Variants in NRXN1 observed in about 807,000 individuals in gnomAD.
The protein encoded by NRXN1 is neurexin-1.
NRXN1 carries 39 observed loss-of-function variants against 150.9 expected under a neutral mutation model. That is an observed-to-expected ratio of 0.26 (90% CI 0.20 to 0.34). The LOEUF is 0.34. Ranked by LOEUF, NRXN1 falls within the 10% of genes least tolerant of loss-of-function variation. The probability of loss-of-function intolerance (pLI) is 1.00; values close to 1 mark genes in which losing one functional copy is unlikely to be tolerated. For synonymous variants in NRXN1, 924 were observed against 757.0 expected (o/e 1.22, Z -3.62); for missense variants, 1,815 against 1,949.9 (o/e 0.93, Z 1.30).
chr2:50,649,247 C>A (rs1475574077), intron 5 of NRXN1, among the ~76,000 whole-genome samples: 1 of 98,054 alleles, frequency 1.0e-5, no homozygotes, highest in Non-Finnish European at 2.0e-5. Flanking sequence ...CATGTATACA[C>A]ACATACACAC....
chr2:50,887,946 T>TTTAGA (rs1680499747), intron 5 of NRXN1, among the ~76,000 whole-genome samples: 3 of 146,428 alleles, frequency 2.0e-5, no homozygotes, highest in Non-Finnish European at 4.5e-5. Context: ...AATAAAACAA[T>TTTAGA]AAGGTACCTT....
At position 50,996,899 on chromosome 2, in the gene NRXN1, C is replaced by T. The variant is rs186487533; in HGVS notation, c.772+30603G>A. 4.2e-4 allele frequency among the ~76,000 whole-genome samples: 64 copies of T among 152,164 alleles called. 1 individual carries two copies. Among genetic ancestry groups the T allele is most frequent in the African/African-American group, 1.5e-3 (62 of 41,544 alleles). On this transcript the variant is annotated intron_variant, in intron 2 of 22. Transcript: ENST00000401669. The stretch of plus-strand genomic sequence containing the variant: ...ATCAAACTCGTGAGGGGGGAGTAAT[C>T]ATTCCACAGCCCACATGAGTGGGCT...
intron 17 of NRXN1, among the ~76,000 whole-genome samples, chr2:50,389,808 C>T (rs1287088112): frequency 6.6e-6 from 1 of 152,094 alleles, no homozygotes; most frequent in African/African-American, 2.4e-5. Context: ...AGTGGATATA[C>T]ATATCGTTAA....
chr2:50,623,506 G>A lies in NRXN1; in HGVS notation c.942C>T (p.Thr314=), dbSNP rs773597105. ...GAAGCATCAGTCCATTCCTCTGAAG[G>A]GTTTTAAATGACAGAGTTATTTCAT... The part of the protein sequence containing the change: ...SSDEITLSFK[T]LQRNGLMLHT... Residue 314 remains threonine, a synonymous_variant, in exon 6 of 23, where the codon ACC becomes ACT. Coordinates refer to ENST00000401669, the MANE Select transcript of NRXN1 (RefSeq NM_001330078.2). The A allele has an allele frequency of 1.2e-6, 2 of 1,613,300 alleles. No individual in the cohort carries two copies. Among genetic ancestry groups the A allele is most frequent in the South Asian group, 2.2e-5 (2 of 91,072 alleles).
chr2:50,958,585 A>C (rs1692637215), intron 2 of NRXN1, among the ~76,000 whole-genome samples: 1 of 152,094 alleles, frequency 6.6e-6, no homozygotes, highest in Non-Finnish European at 1.5e-5. Flanking sequence ...ATGCTGAACT[A>C]ATCAGTTCCA....
chr2:50,195,893 A>G (rs189110784), intron 18 of NRXN1, among the ~76,000 whole-genome samples: 1 of 152,254 alleles, frequency 6.6e-6, no homozygotes, highest in African/African-American at 2.4e-5. Flanking sequence ...TAAAGGTAGA[A>G]TATAATAATA....
intron 3 of NRXN1, among the ~76,000 whole-genome samples, chr2:50,924,065 C>T (rs892088365): frequency 6.6e-6 from 1 of 151,682 alleles, no homozygotes; most frequent in Non-Finnish European, 1.5e-5. Context: ...GCTTATTTGT[C>T]CAGGTTACAT....
intron 5 of NRXN1, among the ~76,000 whole-genome samples, chr2:50,640,007 C>T (rs753605766): frequency 1.3e-4 from 20 of 152,230 alleles, no homozygotes; most frequent in Admixed American, 3.3e-4. Flanking sequence ...ACAATCTTGA[C>T]GAGAAGTTAA....
chr2:50,744,708 C>T (rs1216484170), intron 5 of NRXN1, among the ~76,000 whole-genome samples: 1 of 152,046 alleles, frequency 6.6e-6, no homozygotes. Flanking sequence ...AATTAGTTGA[C>T]ATGCACTGAG....
intron 5 of NRXN1, among the ~76,000 whole-genome samples, chr2:50,699,720 G>T (rs1055479016): frequency 6.6e-6 from 1 of 151,940 alleles, no homozygotes; most frequent in African/African-American, 2.4e-5. Context: ...AAGGAACATG[G>T]CCCTGCCAAC....
intron 8 of NRXN1, among the ~76,000 whole-genome samples, chr2:50,591,514 A>C (rs749938125): frequency 3.3e-5 from 5 of 152,168 alleles, no homozygotes; most frequent in Non-Finnish European, 7.3e-5. Flanking sequence ...AAACAATGAT[A>C]GTGATGTAAA....
intron 8 of NRXN1, among the ~76,000 whole-genome samples, chr2:50,605,523 G>A (rs1676954105): frequency 6.6e-6 from 1 of 152,048 alleles, no homozygotes; most frequent in Admixed American, 6.6e-5. Context: ...CAACAGGTAT[G>A]TAAAAAGATA....
chr2:50,435,556 T>C (rs1476164777), intron 17 of NRXN1, among the ~76,000 whole-genome samples: 2 of 152,220 alleles, frequency 1.3e-5, no homozygotes, highest in Admixed American at 6.5e-5. Context: ...GATGGGCATT[T>C]AGGTTTATTC....
chr2:50,929,109 G>A (rs1020785130), intron 2 of NRXN1, among the ~76,000 whole-genome samples: 1 of 152,010 alleles, frequency 6.6e-6, no homozygotes, highest in Non-Finnish European at 1.5e-5. Context: ...TAAAATCACT[G>A]TAAAAGAGCA....
intron 5 of NRXN1, among the ~76,000 whole-genome samples, chr2:50,662,609 A>AT (rs1005127697): frequency 1.8e-4 from 27 of 151,444 alleles, no homozygotes; most frequent in African/African-American, 3.9e-4. Context: ...TGTTTTTGCG[A>AT]TTTTTTTTGT....
At chr2:50,483,934 A>G (rs1558810071) in intron 15 of NRXN1, among the ~76,000 whole-genome samples, 2 of 152,206 alleles carry the variant, frequency 1.3e-5, no homozygotes, top group Non-Finnish European at 2.9e-5. Context: ...TTCTTATTTG[A>G]AAGACAGGTT....
chr2:50,464,516 C>G (rs932875596), intron 17 of NRXN1: 1 of 151,908 alleles, frequency 6.6e-6, no homozygotes, highest in Non-Finnish European at 1.5e-5. Context: ...AAGCTCTACT[C>G]TTTCTTTAAA....
At chr2:50,174,628 C>T (rs2060238912) in intron 18 of NRXN1, 1 of 152,062 alleles carries the variant, frequency 6.6e-6, no homozygotes, top group Non-Finnish European at 1.5e-5. Flanking sequence ...AACCTTAGTT[C>T]TATCACTTAT....
intron 17 of NRXN1, among the ~76,000 whole-genome samples, chr2:50,373,679 A>AAGGAAGGAAAG (rs766534624): frequency 4.7e-4 from 31 of 65,674 alleles, no homozygotes; most frequent in African/African-American, 1.7e-3. Flanking sequence ...AGAAAGAAAG[A>AAGGAAGGAAAG]AAAGAAAGAA....
Sources: gnomAD v4.1 joint callset for allele counts (sites outside exome capture counted in the v4.1 genomes callset) on GRCh38, gnomAD v4.1.1 for gene constraint, MANE v1.5 for transcripts, NCBI Gene and HGNC (gene_info 2026-07-23, HGNC 2026-07-21) for gene names.